Variants in AKAP6 observed in about 807,000 individuals in gnomAD.
The protein encoded by AKAP6 is A-kinase anchoring protein 6, also known as A-kinase anchor protein 6.
Under a neutral mutation model 188.5 loss-of-function variants are expected in AKAP6, and 58 were observed. The observed-to-expected ratio is 0.31, with a 90% CI of 0.25 to 0.38. The LOEUF is 0.38. Among genes scored for constraint, AKAP6 ranks in the 10% least tolerant of loss-of-function variants. AKAP6 has a pLI of 1.00. For synonymous variants in AKAP6, 989 were observed against 998.6 expected (o/e 0.99, Z 0.18); for missense variants, 2,710 against 2,740.0 (o/e 0.99, Z 0.24).
chr14:32,475,585 C>T (rs1478898855), intron 2 of AKAP6, among the ~76,000 whole-genome samples: 1 of 152,136 alleles, frequency 6.6e-6, no homozygotes, highest in East Asian at 1.9e-4. Flanking sequence ...ACCAGCTTCT[C>T]TTTGCAGCAC....
chr14:32,517,849 G>A (rs1469722911), intron 2 of AKAP6, among the ~76,000 whole-genome samples: 2 of 152,222 alleles, frequency 1.3e-5, no homozygotes, highest in Non-Finnish European at 2.9e-5. Context: ...GAGAGCAGTG[G>A]TTCTCCTAGC....
At chr14:32,347,216 A>C (rs1887097348) in intron 1 of AKAP6, among the ~76,000 whole-genome samples, 1 of 152,244 alleles carries the variant, frequency 6.6e-6, no homozygotes, top group Non-Finnish European at 1.5e-5. Context: ...GTCTCAGGCA[A>C]CATCACTCAA....
intron 2 of AKAP6, among the ~76,000 whole-genome samples, chr14:32,503,751 C>T (rs1025298976): frequency 6.6e-6 from 1 of 151,882 alleles, no homozygotes; most frequent in Non-Finnish European, 1.5e-5. Context: ...GCATTCTTGT[C>T]TCAATCACAT....
At chr14:32,644,673 C>T (rs1203818859) in intron 7 of AKAP6, among the ~76,000 whole-genome samples, 4 of 151,968 alleles carry the variant, frequency 2.6e-5, no homozygotes, top group African/African-American at 9.7e-5. Context: ...TTTTTTTAAT[C>T]CCTTAGCCTC....
intron 9 of AKAP6, among the ~76,000 whole-genome samples, chr14:32,724,465 T>C (rs2030739648): frequency 6.6e-6 from 1 of 152,196 alleles, no homozygotes; most frequent in Non-Finnish European, 1.5e-5. Context: ...ATTTAAGTCA[T>C]TAGATTTTGG....
rs1296992072 is a variant in AKAP6 at position 32,823,828 on chromosome 14, T to C, written c.6015T>C (p.Ser2005=). ...AAGACTCTGATGCACTGAAATCATC[T>C]GATGATGCACCGAGTATGGCTGGAA... The part of the protein sequence containing the change: ...NRQDSDALKS[S]DDAPSMAGKS... The change falls in exon 13 of 14, where the codon TCT becomes TCC. Residue 2005 remains serine (S), a synonymous_variant. Transcript: ENST00000280979. The C allele has an allele frequency of 8.1e-6, 13 of 1,613,458 alleles. No individual in the cohort carries two copies. The highest frequency in any genetic ancestry group is 1.1e-5 in the Non-Finnish European group (13 of 1,179,914).
At chr14:32,697,893 C>A (rs1405068822) in intron 9 of AKAP6, among the ~76,000 whole-genome samples, 2 of 152,088 alleles carry the variant, frequency 1.3e-5, no homozygotes, top group Non-Finnish European at 1.5e-5. Flanking sequence ...CTCAGAACTT[C>A]TGGGTTATAG....
At chr14:32,467,671 GGTTCT>G (rs1214778085) in intron 2 of AKAP6, among the ~76,000 whole-genome samples, 3 of 151,834 alleles carry the variant, frequency 2.0e-5, no homozygotes, top group Non-Finnish European at 2.9e-5. Flanking sequence ...AAAGCAGGAT[GGTTCT>G]TTTCTTTGGT....
intron 1 of AKAP6, among the ~76,000 whole-genome samples, chr14:32,394,686 T>A (rs1314762598): frequency 6.6e-6 from 1 of 152,202 alleles, no homozygotes. Flanking sequence ...TGCATTTGTT[T>A]GTTGCATGTG....
chr14:32,747,549 T>C (rs932963025), intron 11 of AKAP6, among the ~76,000 whole-genome samples: 3 of 152,216 alleles, frequency 2.0e-5, no homozygotes, highest in Non-Finnish European at 2.9e-5. Flanking sequence ...AACAGTCTTT[T>C]ATTAGGTTTT....
At chr14:32,504,858 C>T (rs2138996665) in intron 2 of AKAP6, among the ~76,000 whole-genome samples, 1 of 152,314 alleles carries the variant, frequency 6.6e-6, no homozygotes, top group Non-Finnish European at 1.5e-5. Context: ...AGCTCTGCTC[C>T]ATGTCTTTGT....
At chr14:32,424,683 A>G (rs1476698468) in intron 1 of AKAP6, among the ~76,000 whole-genome samples, 1 of 151,900 alleles carries the variant, frequency 6.6e-6, no homozygotes, top group Non-Finnish European at 1.5e-5. Context: ...GCCCCAGTGT[A>G]TATTGTTCAT....
At chr14:32,353,516 G>A (rs960777490) in intron 1 of AKAP6, among the ~76,000 whole-genome samples, 11 of 152,188 alleles carry the variant, frequency 7.2e-5, no homozygotes, top group African/African-American at 2.4e-4. Context: ...AGCCGAGATC[G>A]TGCCACTGCA....
intron 12 of AKAP6, among the ~76,000 whole-genome samples, chr14:32,788,881 C>T (rs1427865368): frequency 1.3e-5 from 2 of 152,174 alleles, no homozygotes; most frequent in African/African-American, 2.4e-5. Flanking sequence ...CTGCGGGCCC[C>T]ACTTCCACGG....
chr14:32,821,253 G>A lies in AKAP6; in HGVS notation c.3589-149G>A, dbSNP rs1392893783. 18 of 722,058 alleles carry A rather than the reference G, an allele frequency of 2.5e-5. No individual in the cohort carries two copies. The East Asian group carries it at 4.8e-4, about 19-fold the overall frequency. The allele number at this position is 722,058 out of a possible 1,614,324, so 44.7% of individuals were successfully genotyped here. A position where few individuals can be genotyped will look rare whatever the true frequency, so the allele number is the denominator to read the frequency against. On this transcript the variant is annotated intron_variant, in intron 12 of 13. Coordinates refer to ENST00000280979, the MANE Select transcript of AKAP6 (RefSeq NM_004274.5). ...AGTAATTTCTGGGTGTTATTTCAGA[G>A]AGGAATAGAGTTGATAATTAGGCCG...
chr14:32,654,125 T>C (rs977582683), intron 7 of AKAP6, among the ~76,000 whole-genome samples: 1 of 152,172 alleles, frequency 6.6e-6, no homozygotes, highest in African/African-American at 2.4e-5. Flanking sequence ...AAAATGCCCA[T>C]AATTTTTAGC....
At chr14:32,620,144 G>T (rs563101785) in intron 7 of AKAP6, among the ~76,000 whole-genome samples, 1 of 152,194 alleles carries the variant, frequency 6.6e-6, no homozygotes, top group African/African-American at 2.4e-5. Flanking sequence ...TTCCAATTTG[G>T]ATGCCCTTTA....
rs1409890856 is a variant in AKAP6 at position 32,662,970 on chromosome 14, T to C, written c.2731-15341T>C. Reference sequence around the variant, plus strand: ...TTTTAAAAAGTAAGTGAAATGCTTTTCTCGTTATTTACCAATTTTGGTGGT... The same window carrying C: ...TTTTAAAAAGTAAGTGAAATGCTTTCCTCGTTATTTACCAATTTTGGTGGT... On this transcript the variant is annotated intron_variant, in intron 7 of 13. Coordinates refer to ENST00000280979, the MANE Select transcript of AKAP6 (RefSeq NM_004274.5). 2.0e-5 allele frequency among the ~76,000 whole-genome samples: 3 copies of C among 152,150 alleles called. No individual in the cohort carries two copies. The East Asian group carries it at 5.8e-4, about 29-fold the overall frequency.
At position 32,620,143 on chromosome 14, in the gene AKAP6, G is replaced by C. The variant is rs377183533; in HGVS notation, c.2730+19351G>C. 9.2e-5 allele frequency among the ~76,000 whole-genome samples: 14 copies of C among 151,994 alleles called. No homozygotes were observed. The East Asian group carries it at 2.3e-3, about 25-fold the overall frequency. On this transcript the variant is annotated intron_variant, in intron 7 of 13. Transcript: ENST00000280979. The stretch of plus-strand genomic sequence containing the variant: ...TAGTTTAACTCATATTTTCCAATTT[G>C]GATGCCCTTTATTTCTTTCTCTTAC...
Sources: allele counts gnomAD v4.1 joint callset (sites outside exome capture counted in the v4.1 genomes callset), GRCh38; gene constraint gnomAD v4.1.1; transcripts MANE v1.5; gene names NCBI Gene and HGNC (gene_info 2026-07-23, HGNC 2026-07-21).